CSMD1: variants seen among roughly 807,000 people sequenced by gnomAD.
CSMD1 encodes CUB and Sushi multiple domains 1.
CSMD1 carries 213 observed loss-of-function variants against 417.5 expected under a neutral mutation model. The ratio of observed to expected loss-of-function variants is 0.51; its 90% CI spans 0.46 to 0.57. CSMD1 has a LOEUF of 0.57. CSMD1 is among the 20% of genes least tolerant of loss of function. The pLI, the probability that CSMD1 is intolerant of heterozygous loss-of-function variation, is 0.00. For synonymous variants in CSMD1, 2,862 were observed against 1,736.8 expected (o/e 1.65, Z -16.11); for missense variants, 6,923 against 4,529.7 (o/e 1.53, Z -15.17).
chr8:3,603,744 T>G (rs1398277331), intron 8 of CSMD1, among the ~76,000 whole-genome samples: 1 of 152,234 alleles, frequency 6.6e-6, no homozygotes, highest in Non-Finnish European at 1.5e-5. Context: ...TATATGGGCT[T>G]GATTCTAACT....
intron 10 of CSMD1, among the ~76,000 whole-genome samples, chr8:3,539,302 C>T (rs759617020): frequency 6.6e-6 from 1 of 152,294 alleles, no homozygotes; most frequent in South Asian, 2.1e-4. Context: ...TACTGCCTAC[C>T]TCCCACCCCC....
At chr8:3,574,532 C>G (rs7828513) in intron 10 of CSMD1, among the ~76,000 whole-genome samples, 1 of 151,988 alleles carries the variant, frequency 6.6e-6, no homozygotes, top group African/African-American at 2.4e-5. Context: ...CAGGCTTGAG[C>G]GACTGAGCCC....
chr8:4,287,438 C>A (rs968130188), intron 3 of CSMD1, among the ~76,000 whole-genome samples: 1 of 152,108 alleles, frequency 6.6e-6, no homozygotes. Flanking sequence ...CCCTTTCTTA[C>A]GTCCAATATT....
intron 2 of CSMD1, among the ~76,000 whole-genome samples, chr8:4,464,067 G>A (rs1268316595): frequency 2.6e-5 from 4 of 152,082 alleles, no homozygotes; most frequent in Non-Finnish European, 5.9e-5. Flanking sequence ...ATGGTAAGAA[G>A]ACTGAAAGAA....
intron 7 of CSMD1, among the ~76,000 whole-genome samples, chr8:3,639,263 G>C (rs942617375): frequency 6.6e-6 from 1 of 152,186 alleles, no homozygotes; most frequent in Admixed American, 6.5e-5. Flanking sequence ...TATGAAATAG[G>C]TTGCTATTTG....
At chr8:3,558,426 C>A (rs1585363986) in intron 10 of CSMD1, among the ~76,000 whole-genome samples, 1 of 150,290 alleles carries the variant, frequency 6.7e-6, no homozygotes, top group African/African-American at 2.5e-5. Flanking sequence ...CTCAATGGTA[C>A]CCCGTGTCCA....
intron 4 of CSMD1, among the ~76,000 whole-genome samples, chr8:4,007,074 G>C (rs556973596): frequency 6.6e-6 from 1 of 151,900 alleles, no homozygotes; most frequent in Non-Finnish European, 1.5e-5. Context: ...TCCTCACTTC[G>C]TGATCCAGCC....
chr8:4,111,353 G>C (rs1458511212), intron 3 of CSMD1, among the ~76,000 whole-genome samples: 5 of 152,112 alleles, frequency 3.3e-5, no homozygotes, highest in East Asian at 3.9e-4. Flanking sequence ...CTTGGGAAAA[G>C]TTTATTGATG....
At chr8:4,763,660 A>G (rs1399749995) in intron 1 of CSMD1, among the ~76,000 whole-genome samples, 4 of 152,230 alleles carry the variant, frequency 2.6e-5, no homozygotes, top group African/African-American at 9.6e-5. Flanking sequence ...TCACTGAGAT[A>G]TAAATAAAGA....
At chr8:4,821,617 G>A (rs557657183) in intron 1 of CSMD1, among the ~76,000 whole-genome samples, 2 of 152,012 alleles carry the variant, frequency 1.3e-5, no homozygotes, top group East Asian at 1.9e-4. Flanking sequence ...TTCATATTCA[G>A]AAAAATAGGG....
intron 3 of CSMD1, among the ~76,000 whole-genome samples, chr8:4,306,896 C>T (rs1157123066): frequency 2.0e-5 from 3 of 152,094 alleles, no homozygotes; most frequent in Admixed American, 6.6e-5. Context: ...GCTTTCCTTA[C>T]GCTAAAAATA....
intron 6 of CSMD1, among the ~76,000 whole-genome samples, chr8:3,715,817 G>A (rs1337595902): frequency 6.6e-6 from 1 of 152,110 alleles, no homozygotes; most frequent in Non-Finnish European, 1.5e-5. Flanking sequence ...TGCTGGGATT[G>A]CAGGCATGAG....
At chr8:4,185,801 A>T (rs1006656675) in intron 3 of CSMD1, among the ~76,000 whole-genome samples, 1 of 152,200 alleles carries the variant, frequency 6.6e-6, no homozygotes, top group African/African-American at 2.4e-5. Flanking sequence ...TGAGTGGCAG[A>T]CCCAGTGCCA....
At chr8:4,070,002 T>C (rs1236621369) in intron 3 of CSMD1, among the ~76,000 whole-genome samples, 1 of 152,188 alleles carries the variant, frequency 6.6e-6, no homozygotes, top group Admixed American at 6.5e-5. Flanking sequence ...CTTTAGAATG[T>C]TCAATGTTCT....
rs377379568 is a variant in CSMD1 at position 3,623,011 on chromosome 8, G to A, written c.1010-6214C>T. Among the ~76,000 whole-genome samples the A allele has an allele frequency of 9.2e-5, 14 of 152,124 alleles. No individual in the cohort carries two copies. In the East Asian group the frequency reaches 2.7e-3, roughly 29 times the overall value. Reference sequence around the variant, plus strand: ...ACATGACATAGATAGTAATAAATATGTTAAATGTAAGTCAAAACCCTGTAG... The same window carrying A: ...ACATGACATAGATAGTAATAAATATATTAAATGTAAGTCAAAACCCTGTAG... On this transcript the variant is annotated intron_variant, in intron 7 of 69. Coordinates refer to ENST00000635120, the MANE Select transcript of CSMD1 (RefSeq NM_033225.6).
intron 37 of CSMD1, among the ~76,000 whole-genome samples, chr8:3,166,991 A>G (rs1036314645): frequency 6.6e-6 from 1 of 152,172 alleles, no homozygotes; most frequent in Non-Finnish European, 1.5e-5. Flanking sequence ...GCTTCTTTAA[A>G]AGGTGGTTCA....
At chr8:4,776,351 G>C (rs1340814281) in intron 1 of CSMD1, among the ~76,000 whole-genome samples, 1 of 152,036 alleles carries the variant, frequency 6.6e-6, no homozygotes, top group African/African-American at 2.4e-5. Flanking sequence ...ACTAAGTTTT[G>C]AACAACTGCA....
At chr8:4,182,668 A>C (rs1048786102) in intron 3 of CSMD1, among the ~76,000 whole-genome samples, 1 of 152,174 alleles carries the variant, frequency 6.6e-6, no homozygotes, top group Non-Finnish European at 1.5e-5. Flanking sequence ...AAATAGATTC[A>C]CAAATTGTGA....
At chr8:4,495,584 G>GA (rs67875283) in intron 2 of CSMD1, among the ~76,000 whole-genome samples, 65,820 of 151,288 alleles carry the variant, frequency 0.44, 14,942 homozygotes, top group South Asian at 0.55. Flanking sequence ...CAGAAAAAAA[G>GA]AAAAAAAAGA....
Sources: allele counts gnomAD v4.1 joint callset (sites outside exome capture counted in the v4.1 genomes callset), GRCh38; gene constraint gnomAD v4.1.1; transcripts MANE v1.5; gene names NCBI Gene and HGNC (gene_info 2026-07-23, HGNC 2026-07-21).